The following UTP18 variants were observed in gnomAD, a reference collection of about 807,000 sequenced individuals.
UTP18 encodes U3 small nucleolar RNA-associated protein 18 homolog.
UTP18 carries 36 observed loss-of-function variants against 61.1 expected under a neutral mutation model. That is an observed-to-expected ratio of 0.59 (90% CI 0.45 to 0.78). The LOEUF (loss-of-function observed/expected upper bound fraction) is 0.78, where lower values mean the gene tolerates loss of function less well. Ranked by LOEUF, UTP18 falls within the 30% of genes least tolerant of loss-of-function variation. UTP18 has a pLI of 0.00. For missense variants in UTP18, 753 were observed against 693.9 expected (o/e 1.09, Z -0.96); for synonymous variants, 282 against 251.1 (o/e 1.12, Z -1.16).
chr17:51,272,835 C>T (rs1370886666), intron 4 of UTP18, among the ~76,000 whole-genome samples: 2 of 152,158 alleles, frequency 1.3e-5, no homozygotes, highest in African/African-American at 4.8e-5. Context: ...TAAGTTTGCT[C>T]AGCTTCTTAG....
chr17:51,268,963 A>G, intron 4 of UTP18, 59 bp downstream of exon 4: 1 of 1,538,578 alleles, frequency 6.5e-7, no homozygotes, highest in South Asian at 1.1e-5. Flanking sequence ...GTTCGTTATT[A>G]TTTGAGCTTT....
At chr17:51,262,818 T>C (rs2055520600) in intron 1 of UTP18, among the ~76,000 whole-genome samples, 1 of 152,082 alleles carries the variant, frequency 6.6e-6, no homozygotes, top group Admixed American at 6.6e-5. Context: ...TCCCAAAGTG[T>C]TGGGATTACA....
intron 10 of UTP18, 80 bp from the exon 11 acceptor site, chr17:51,287,949 G>T: frequency 9.2e-7 from 1 of 1,088,498 alleles, no homozygotes; most frequent in East Asian, 3.0e-5. Flanking sequence ...CCAGTTTGTG[G>T]GGTTAAATCT....
intron 10 of UTP18, among the ~76,000 whole-genome samples, chr17:51,287,350 G>A (rs78947674): frequency 0.036 from 5,487 of 152,200 alleles, 219 homozygotes; most frequent in African/African-American, 0.096. Context: ...GAAAGGACAG[G>A]GAGATGAGCC....
chr17:51,263,573 C>T (rs1485985020), intron 2 of UTP18, among the ~76,000 whole-genome samples, 187 bp downstream of exon 2: 1 of 152,212 alleles, frequency 6.6e-6, no homozygotes, highest in African/African-American at 2.4e-5. Context: ...AGCATGTTGT[C>T]ACACTTCTGT....
rs543048904 is a variant in UTP18, at chr17:51,279,467, G to C, written c.1013-538G>C. 1.8e-4 allele frequency among the ~76,000 whole-genome samples: 28 copies of C among 151,994 alleles called. No homozygotes were observed. In the South Asian group the frequency reaches 4.8e-3, roughly 26 times the overall value. ...AAGCTAGTCAGTCCTTAAGTAAACT[G>C]ACATATTGTGAAAAGTTTTGGGGTT... On this transcript the variant is annotated intron_variant, in intron 7 of 13. Coordinates refer to ENST00000225298, the MANE Select transcript of UTP18 (RefSeq NM_016001.3).
intron 7 of UTP18, among the ~76,000 whole-genome samples, chr17:51,279,436 C>T (rs1226062452): frequency 6.6e-6 from 1 of 152,054 alleles, no homozygotes; most frequent in East Asian, 1.9e-4. Context: ...TGTGTCACAT[C>T]CAGAGAAGCT....
intron 3 of UTP18, among the ~76,000 whole-genome samples, chr17:51,268,322 G>A (rs551111288): frequency 3.3e-5 from 5 of 152,296 alleles, no homozygotes; most frequent in East Asian, 3.9e-4. Context: ...CATGGCGCCC[G>A]GCCCAGGTAC....
rs200641862 is a variant in UTP18 at position 51,260,618 on chromosome 17, G to A, written c.34G>A (p.Asp12Asn). 12 of 1,612,602 alleles carry A rather than the reference G, an allele frequency of 7.4e-6. No homozygotes were observed. Among genetic ancestry groups the A allele is most frequent in the Middle Eastern group, 3.3e-4 (2 of 6,054 alleles). The change falls in exon 1 of 14, where the codon GAC becomes AAC. Residue 12 changes from aspartate (D) to asparagine (N), a missense_variant. Coordinates refer to ENST00000225298, the MANE Select transcript of UTP18 (RefSeq NM_016001.3). ...GGAGCGGAGGAGACGAATGAAACTG[G>A]ACCGGAGAACCGGAGCGAAGCCGAA... ...PPERRRRMKL[D>N]RRTGAKPKRK...
intron 1 of UTP18, among the ~76,000 whole-genome samples, 171 bp downstream of exon 1, chr17:51,261,097 C>T (rs1189487533): frequency 1.3e-5 from 2 of 152,258 alleles, no homozygotes; most frequent in African/African-American, 2.4e-5. Flanking sequence ...CCTCGCCTCC[C>T]TGCTCCAGAC....
At chr17:51,289,338 A>G (rs1402159052) in intron 11 of UTP18, among the ~76,000 whole-genome samples, 4 of 149,928 alleles carry the variant, frequency 2.7e-5, no homozygotes, top group Admixed American at 2.7e-4. Context: ...CTGGGATTAT[A>G]GGCATGCGCC....
At chr17:51,280,563 C>T (rs1904881152) in intron 9 of UTP18, 84 bp downstream of exon 9, 3 of 1,345,554 alleles carry the variant, frequency 2.2e-6, no homozygotes, top group Non-Finnish European at 3.1e-6. Flanking sequence ...TGTGTAATCC[C>T]ACCACTTTGG....
chr17:51,273,120 A>G (rs978036104), intron 4 of UTP18, among the ~76,000 whole-genome samples: 6 of 151,826 alleles, frequency 4.0e-5, no homozygotes, highest in Non-Finnish European at 7.4e-5. Flanking sequence ...CTTTCATTCT[A>G]GAGTTAAACT....
chr17:51,297,029 T>C, intron 13 of UTP18, 26 bp downstream of exon 13: 1 of 1,594,478 alleles, frequency 6.3e-7, no homozygotes, highest in South Asian at 1.1e-5. Context: ...TCTTACAAAT[T>C]CTGCAGGTTT....
At chr17:51,269,332 AAAAT>A (rs1363710264) in intron 4 of UTP18, among the ~76,000 whole-genome samples, 1 of 145,716 alleles carries the variant, frequency 6.9e-6, no homozygotes, top group Non-Finnish European at 1.5e-5. Flanking sequence ...AAAAACCAAA[AAAAT>A]CTGTTTTTTG....
chr17:51,292,340 C>T (rs1905260183), intron 11 of UTP18, among the ~76,000 whole-genome samples: 1 of 152,244 alleles, frequency 6.6e-6, no homozygotes, highest in African/African-American at 2.4e-5. Context: ...AGCACCATTG[C>T]CTTCACATTG....
intron 1 of UTP18, among the ~76,000 whole-genome samples, chr17:51,262,044 G>C (rs1246863591): frequency 1.3e-5 from 2 of 152,016 alleles, no homozygotes; most frequent in African/African-American, 4.8e-5. Flanking sequence ...CATTGGTTTT[G>C]GGAAGCTCAA....
intron 4 of UTP18, among the ~76,000 whole-genome samples, chr17:51,272,122 A>G (rs544070689): frequency 6.6e-6 from 1 of 150,798 alleles, no homozygotes; most frequent in Admixed American, 6.6e-5. Context: ...TTTTTGAGAC[A>G]GAGTCTTATT....
chr17:51,280,538 G>T (rs1483275169), intron 9 of UTP18, 59 bp downstream of exon 9: 1 of 1,551,700 alleles, frequency 6.4e-7, no homozygotes, highest in Admixed American at 1.7e-5. Flanking sequence ...TTTAGGCCAG[G>T]CGCGGTGGCT....
Sources: allele counts gnomAD v4.1 joint callset (sites outside exome capture counted in the v4.1 genomes callset), GRCh38; gene constraint gnomAD v4.1.1; transcripts MANE v1.5; gene names NCBI Gene and HGNC (gene_info 2026-07-23, HGNC 2026-07-21).